Variants in CCNJL observed in about 807,000 individuals in gnomAD.
CCNJL encodes the protein cyclin-J-like protein.
CCNJL carries 33 observed loss-of-function variants against 33.4 expected under a neutral mutation model. The ratio of observed to expected loss-of-function variants is 0.99; its 90% CI spans 0.75 to 1.32. The LOEUF (loss-of-function observed/expected upper bound fraction) is 1.32, where lower values mean the gene tolerates loss of function less well. CCNJL is among the 40% of genes most tolerant of loss of function. The pLI is 0.00. For missense variants in CCNJL, 512 were observed against 499.7 expected (o/e 1.02, Z -0.23); for synonymous variants, 227 against 220.9 (o/e 1.03, Z -0.24).
At chr5:160,295,646 A>G (rs1299890672) in intron 2 of CCNJL, among the ~76,000 whole-genome samples, 1 of 152,184 alleles carries the variant, frequency 6.6e-6, no homozygotes, top group Non-Finnish European at 1.5e-5. Context: ...GAGGACAGAC[A>G]AGGAGGAGAA....
At position 160,253,457 on chromosome 5, in the gene CCNJL, C is replaced by T; in HGVS notation, c.1085G>A (p.Arg362Lys). The change falls in exon 6 of 6, where the codon AGG becomes AAG. Residue 362 changes from arginine to lysine, a missense_variant. Transcript: ENST00000257536. ...TCCATAGGTGGTGGCGAGGCAGTGC[C>T]TGGGCTCAGCTGCAATGGCCATATG... ...SMHMAIAAEP[R>K]HCLATTYGSS... 6.2e-7 allele frequency: 1 copy of T among 1,613,326 alleles called. No homozygotes were observed. The highest frequency in any genetic ancestry group is 1.7e-4 in the Middle Eastern group (1 of 6,056).
intron 3 of CCNJL, among the ~76,000 whole-genome samples, chr5:160,277,250 C>T (rs775169929): frequency 3.9e-5 from 6 of 152,042 alleles, no homozygotes; most frequent in Non-Finnish European, 7.4e-5. Context: ...AGGATCCGTG[C>T]GATGTGTGTA....
In CCNJL at chr5:160,259,690, G is replaced by A. The variant is rs998053675; in HGVS notation, c.362C>T (p.Thr121Ile). The A allele has an allele frequency of 3.7e-6, 6 of 1,614,044 alleles. No individual in the cohort carries two copies. In the African/African-American group the frequency reaches 5.3e-5, roughly 14 times the overall value. The change falls in exon 4 of 6, where the codon ACC becomes ATC. Residue 121 changes from threonine to isoleucine, a missense_variant. Thr to Ile is a moderately conservative substitution (Grantham distance 89, BLOSUM62 -1). Transcript: ENST00000257536. ...GCTCAGCAGCTCCTTCTTGGTGAGG[G>A]TGAAGTTCTGGCTGCTCAGGATCCT... ...STRILSSQNF[T>I]LTKKELLSTE... is the part of the protein sequence containing the mutation.
intron 1 of CCNJL, among the ~76,000 whole-genome samples, chr5:160,329,708 G>C (rs1763583364): frequency 6.6e-6 from 1 of 152,042 alleles, no homozygotes; most frequent in Non-Finnish European, 1.5e-5. Context: ...TTTGATCCTT[G>C]TTTCTACTTT....
chr5:160,315,039 C>A (rs1182560069), upstream of CCNJL, among the ~76,000 whole-genome samples: 1 of 152,118 alleles, frequency 6.6e-6, no homozygotes, highest in Non-Finnish European at 1.5e-5. Context: ...AGATTTATTT[C>A]AAAGGTGTTT....
intron 5 of CCNJL, 52 bp from the exon 6 acceptor site, chr5:160,253,850 CTGTG>C (rs770305386): frequency 7.3e-7 from 1 of 1,371,118 alleles, no homozygotes; most frequent in Non-Finnish European, 9.8e-7. Flanking sequence ...CACCAGATGC[CTGTG>C]TGTGTCTCTA....
intron 3 of CCNJL, among the ~76,000 whole-genome samples, chr5:160,268,708 G>A (rs887934227): frequency 6.6e-5 from 10 of 152,198 alleles, no homozygotes; most frequent in Non-Finnish European, 1.0e-4. Context: ...AGGACCTGCT[G>A]TAGCTGCATC....
intron 3 of CCNJL, among the ~76,000 whole-genome samples, chr5:160,261,678 A>C (rs1761341745): frequency 6.6e-6 from 1 of 150,840 alleles, no homozygotes; most frequent in African/African-American, 2.4e-5. Context: ...TGGGACTCCA[A>C]CCCCTCCCCG....
chr5:160,289,147 T>A (rs1762504483), intron 2 of CCNJL, among the ~76,000 whole-genome samples: 1 of 152,082 alleles, frequency 6.6e-6, no homozygotes, highest in Non-Finnish European at 1.5e-5. Flanking sequence ...ATCCCTGACC[T>A]CCCTCCTACC....
At chr5:160,326,457 G>A (rs531285858) in intron 1 of CCNJL, among the ~76,000 whole-genome samples, 1 of 123,914 alleles carries the variant, frequency 8.1e-6, no homozygotes, top group Non-Finnish European at 1.6e-5. Context: ...CTGCATTCCA[G>A]CCTGGGCGAC....
At chr5:160,301,510 T>C (rs562480417) in intron 2 of CCNJL, among the ~76,000 whole-genome samples, 44 of 151,960 alleles carry the variant, frequency 2.9e-4, no homozygotes, top group Admixed American at 9.8e-4. Flanking sequence ...CTCGGCTCAC[T>C]GCAACCTCTG....
chr5:160,312,257 G>A (rs1445570451), intron 1 of CCNJL, 107 bp downstream of exon 1: 1 of 372,836 alleles, frequency 2.7e-6, no homozygotes, highest in East Asian at 5.4e-5. Context: ...CTCGCTCGAG[G>A]CTGGGGCTCT....
chr5:160,320,641 C>A (rs186474403), intron 1 of CCNJL, among the ~76,000 whole-genome samples: 62 of 152,278 alleles, frequency 4.1e-4, no homozygotes, highest in Non-Finnish European at 5.9e-4. Context: ...CCTTCTGCAT[C>A]CCCTCAAATT....
intron 1 of CCNJL, among the ~76,000 whole-genome samples, chr5:160,336,595 T>C (rs1763686271): frequency 6.6e-6 from 1 of 152,204 alleles, no homozygotes. Flanking sequence ...AGCCACAGTT[T>C]GTGGTAATCT....
chr5:160,280,863 T>C (rs1279963208), intron 2 of CCNJL, 125 bp from the exon 3 acceptor site: 1 of 746,438 alleles, frequency 1.3e-6, no homozygotes, highest in Admixed American at 2.0e-5. Context: ...CCTTCTTAGT[T>C]TTCCTGCAAG....
At chr5:160,254,209 A>T (rs547726245) in intron 5 of CCNJL, 1 of 520,946 alleles carries the variant, frequency 1.9e-6, no homozygotes, top group African/African-American at 2.0e-5. Flanking sequence ...CTGGGGCCTG[A>T]ATGAGCCCAA....
intron 2 of CCNJL, among the ~76,000 whole-genome samples, chr5:160,301,437 CTT>C (rs745427095): frequency 1.0e-4 from 15 of 144,442 alleles, no homozygotes; most frequent in South Asian, 2.2e-4. Context: ...TGGCCTATGT[CTT>C]TTTTTTTTTT....
chr5:160,265,472 C>T (rs1402070037), intron 3 of CCNJL, among the ~76,000 whole-genome samples: 1 of 152,072 alleles, frequency 6.6e-6, no homozygotes, highest in Admixed American at 6.6e-5. Flanking sequence ...CCTGTCTCTA[C>T]TAAAAAAATT....
At chr5:160,282,966 AAT>A (rs70990720) in intron 2 of CCNJL, among the ~76,000 whole-genome samples, 3,069 of 43,010 alleles carry the variant, frequency 0.071, 60 homozygotes, top group Non-Finnish European at 0.11. Context: ...CAGTCCTTGG[AAT>A]ATATATATAT....
Sources: allele counts gnomAD v4.1 joint callset (sites outside exome capture counted in the v4.1 genomes callset), GRCh38; gene constraint gnomAD v4.1.1; transcripts MANE v1.5; gene names NCBI Gene and HGNC (gene_info 2026-07-23, HGNC 2026-07-21).